Variants in CA1 observed in about 807,000 individuals in gnomAD.
CA1 encodes carbonic anhydrase 1, also known as carbonate dehydratase I.
Under a neutral mutation model 28.8 loss-of-function variants are expected in CA1, and 27 were observed. The observed-to-expected ratio is 0.94, with a 90% CI of 0.69 to 1.29. The LOEUF (loss-of-function observed/expected upper bound fraction) is 1.29, where lower values mean the gene tolerates loss of function less well. Among genes scored for constraint, CA1 ranks in the 50% most tolerant of loss-of-function variants. The probability of loss-of-function intolerance (pLI) is 0.00; values close to 1 mark genes in which losing one functional copy is unlikely to be tolerated. For missense variants in CA1, 335 were observed against 310.5 expected (o/e 1.08, Z -0.59); for synonymous variants, 121 against 108.8 (o/e 1.11, Z -0.70).
At chr8:85,354,156 G>A (rs1338265331) in intron 1 of CA1, among the ~76,000 whole-genome samples, 1 of 148,548 alleles carries the variant, frequency 6.7e-6, no homozygotes, top group African/African-American at 2.5e-5. Flanking sequence ...TGTATTTTTA[G>A]TAGGAATGCG....
chr8:85,338,319 T>C lies in CA1; in HGVS notation c.168A>G (p.Thr56=). Residue 56 remains threonine (T), a synonymous_variant, in exon 3 of 8, where the codon ACA becomes ACG. Transcript: ENST00000523022. ...GCCCCACATTGATAATTTCTTTGGC[T>C]GTGGCTGGGTTGTAGGAGACACTAA... ...KPISVSYNPA[T]AKEIINVGHS... 6.2e-7 allele frequency: 1 copy of C among 1,614,060 alleles called. No individual in the cohort carries two copies. Among genetic ancestry groups the C allele is most frequent in the East Asian group, 2.2e-5 (1 of 44,878 alleles).
At chr8:85,364,489 T>C (rs1809928486) in intron 1 of CA1, among the ~76,000 whole-genome samples, 1 of 152,226 alleles carries the variant, frequency 6.6e-6, no homozygotes, top group South Asian at 2.1e-4. Flanking sequence ...CTTCAGTAGA[T>C]AATCAAACAC....
At chr8:85,349,933 C>T (rs550411330) in intron 1 of CA1, 1 of 152,288 alleles carries the variant, frequency 6.6e-6, no homozygotes, top group African/African-American at 2.4e-5. Flanking sequence ...AGGGTCTTCA[C>T]AGCAAAATTT....
intron 2 of CA1, 144 bp from the exon 3 acceptor site, chr8:85,338,593 G>T (rs2092202597): frequency 1.4e-6 from 1 of 699,528 alleles, no homozygotes; most frequent in Non-Finnish European, 2.6e-6. Flanking sequence ...TAGAAATTCT[G>T]TGTTTGAAGA....
At chr8:85,370,548 C>A (rs1458752160) in intron 1 of CA1, among the ~76,000 whole-genome samples, 1 of 152,114 alleles carries the variant, frequency 6.6e-6, no homozygotes, top group Admixed American at 6.6e-5. Context: ...GAGATTAAAA[C>A]ATTCTAGCTC....
At chr8:85,368,879 A>G (rs185206749) in intron 1 of CA1, among the ~76,000 whole-genome samples, 47 of 152,148 alleles carry the variant, frequency 3.1e-4, no homozygotes, top group African/African-American at 8.2e-4. Context: ...CTTCCCAGAA[A>G]CCAAATCAGA....
rs765399014 is a variant in CA1, at chr8:85,329,703, C to T, written c.655G>A (p.Val219Ile). The change falls in exon 7 of 8, where the codon GTC becomes ATC. Residue 219 changes from valine (V) to isoleucine (I), a missense_variant. Physicochemically the swap from Val to Ile is conservative, Grantham distance 29. Transcript: ENST00000523022. ...TWIICKESIS[V>I]SSEQLAQFRS... ...CACAACTCTACCTGCTCTGAGCTGA[C>T]ACTGATGCTCTCCTTACAGATGATC... is the stretch of plus-strand genomic sequence containing the variant. 1.2e-6 allele frequency: 2 copies of T among 1,610,980 alleles called. No individual in the cohort carries two copies. Among genetic ancestry groups the T allele is most frequent in the Admixed American group, 1.7e-5 (1 of 59,744 alleles).
At chr8:85,338,630 CTTTT>C (rs1334575963) in intron 2 of CA1, among the ~76,000 whole-genome samples, 181 bp from the exon 3 acceptor site, 11 of 110,934 alleles carry the variant, frequency 9.9e-5, no homozygotes, top group Admixed American at 1.9e-4. Flanking sequence ...TTCTTTCCTT[CTTTT>C]TCTTTCTTTC....
chr8:85,358,215 G>A (rs985362183), intron 1 of CA1, among the ~76,000 whole-genome samples: 1 of 152,052 alleles, frequency 6.6e-6, no homozygotes, highest in African/African-American at 2.4e-5. Flanking sequence ...TTGAGGTATG[G>A]CCAGAACACT....
chr8:85,349,187 A>G (rs937287653), intron 1 of CA1, among the ~76,000 whole-genome samples: 3 of 152,220 alleles, frequency 2.0e-5, no homozygotes, highest in African/African-American at 7.2e-5. Flanking sequence ...GCCCAATAGA[A>G]TGAGACCATT....
intron 1 of CA1, among the ~76,000 whole-genome samples, chr8:85,377,149 A>G (rs982635006): frequency 1.4e-4 from 22 of 152,336 alleles, no homozygotes; most frequent in Non-Finnish European, 2.9e-4. Flanking sequence ...ATATTAGAAA[A>G]TCAGATATAT....
chr8:85,354,684 T>C (rs969579049), intron 1 of CA1, among the ~76,000 whole-genome samples: 5 of 152,152 alleles, frequency 3.3e-5, no homozygotes, highest in Admixed American at 6.5e-5. Context: ...TGTGTGGTGG[T>C]GGCGAGGCAG....
At chr8:85,369,787 T>G (rs1810148823) in intron 1 of CA1, among the ~76,000 whole-genome samples, 1 of 152,228 alleles carries the variant, frequency 6.6e-6, no homozygotes, top group South Asian at 2.1e-4. Flanking sequence ...TGTTCTCCAC[T>G]CATCCCTTAC....
intron 1 of CA1, among the ~76,000 whole-genome samples, chr8:85,353,676 A>AT (rs34589707): frequency 0.025 from 3,687 of 148,104 alleles, 49 homozygotes; most frequent in South Asian, 0.049. Context: ...TACAAAGAGT[A>AT]TTTTTTTTTT....
In CA1 at chr8:85,378,080, A is replaced by G. The variant is rs1259456016; in HGVS notation, c.-59T>C. 2.0e-5 allele frequency: 3 copies of G among 152,204 alleles called. No individual in the cohort carries two copies. Among genetic ancestry groups the G allele is most frequent in the African/African-American group, 7.2e-5 (3 of 41,450 alleles). 9.4% of individuals were successfully genotyped at this position (152,204 alleles called of 1,614,324 possible). On this transcript the variant is annotated 5_prime_UTR_variant, in exon 1 of 8. Coordinates refer to ENST00000523022, the MANE Select transcript of CA1 (RefSeq NM_001128831.4). ...TGAGAGAAGGCTGCCACAGAGGACC[A>G]CGCAGGGGGTTGCACCTGAGGACTG... is the stretch of plus-strand genomic sequence containing the variant.
intron 1 of CA1, among the ~76,000 whole-genome samples, chr8:85,352,215 A>C (rs1017415416): frequency 6.6e-6 from 1 of 152,152 alleles, no homozygotes; most frequent in African/African-American, 2.4e-5. Context: ...TCAATGATCC[A>C]TGGCTTCTTA....
At chr8:85,338,554 T>C in intron 2 of CA1, 105 bp from the exon 3 acceptor site, 1 of 846,446 alleles carries the variant, frequency 1.2e-6, no homozygotes, top group South Asian at 1.3e-5. Flanking sequence ...TTTATTTCAG[T>C]GTATTAAATG....
intron 1 of CA1, 172 bp from the exon 2 acceptor site, chr8:85,341,831 A>C: frequency 3.6e-6 from 2 of 551,948 alleles, no homozygotes; most frequent in South Asian, 2.4e-5. Flanking sequence ...TGTTGTAAAA[A>C]ATTCTACAAG....
chr8:85,347,252 C>T (rs956725724), intron 1 of CA1, among the ~76,000 whole-genome samples: 1 of 152,132 alleles, frequency 6.6e-6, no homozygotes, highest in African/African-American at 2.4e-5. Context: ...TTCAGTGTCA[C>T]CTGAAGTGAT....
Sources: allele counts gnomAD v4.1 joint callset (sites outside exome capture counted in the v4.1 genomes callset), GRCh38; gene constraint gnomAD v4.1.1; transcripts MANE v1.5; gene names NCBI Gene and HGNC (gene_info 2026-07-23, HGNC 2026-07-21).